The following BSN variants were observed in gnomAD, a reference collection of about 807,000 sequenced individuals.
BSN encodes protein bassoon.
A neutral mutation model predicts 264.8 loss-of-function variants in BSN; 57 were observed. The observed-to-expected ratio is 0.22, with a 90% confidence interval of 0.17 to 0.27. The LOEUF is 0.27. Among genes scored for constraint, BSN ranks in the 10% least tolerant of loss-of-function variants. BSN has a pLI of 1.00. For missense variants in BSN, 4,615 were observed against 5,232.5 expected (o/e 0.88, Z 3.64); for synonymous variants, 2,059 against 2,137.3 (o/e 0.96, Z 1.01).
intron 3 of BSN, among the ~76,000 whole-genome samples, chr3:49,644,280 T>A (rs768629314): frequency 1.3e-5 from 2 of 152,124 alleles, no homozygotes; most frequent in Non-Finnish European, 2.9e-5. Flanking sequence ...CACAGGGGTG[T>A]GCGGAGTGCA....
At chr3:49,595,394 G>T (rs1485307213) in intron 1 of BSN, among the ~76,000 whole-genome samples, 1 of 149,834 alleles carries the variant, frequency 6.7e-6, no homozygotes, top group Non-Finnish European at 1.5e-5. Context: ...GTTTCTGCAT[G>T]TTGAGGCTGG....
chr3:49,616,503 AAGTTC>A (rs2052260018), intron 1 of BSN, among the ~76,000 whole-genome samples: 1 of 152,222 alleles, frequency 6.6e-6, no homozygotes, highest in African/African-American at 2.4e-5. Flanking sequence ...CAGTTTCTTT[AAGTTC>A]ACTCCCCTCC....
At chr3:49,573,952 C>T (rs1220232827) in intron 1 of BSN, among the ~76,000 whole-genome samples, 6 of 151,170 alleles carry the variant, frequency 4.0e-5, no homozygotes, top group Admixed American at 1.3e-4. Context: ...CCACTGCGCC[C>T]AGCCTTTCTG....
chr3:49,660,765 G>A lies in BSN; in HGVS notation c.8920G>A (p.Ala2974Thr), dbSNP rs753949712. Residue 2974 changes from alanine to threonine, a missense_variant, in exon 6 of 12, where the codon GCC (alanine) becomes ACC (threonine). Transcript: ENST00000296452. The surrounding 1 kb of genome is among the most constrained non-coding windows in gnomAD (Gnocchi z 7.1). Reference protein sequence around the residue: ...ELDEEEKEIDAKLKYLELGIT... With the variant: ...ELDEEEKEIDTKLKYLELGIT... ...GGATGAGGAGGAGAAGGAGATTGAC[G>A]CCAAGCTCAAGTACCTGGAGTTGGG... is the stretch of plus-strand genomic sequence containing the variant. The A allele has an allele frequency of 4.3e-5, 70 of 1,612,972 alleles. No homozygotes were observed. Among genetic ancestry groups the A allele is most frequent in the East Asian group, 6.7e-5 (3 of 44,894 alleles).
chr3:49,595,800 G>T (rs1240307324), intron 1 of BSN, among the ~76,000 whole-genome samples: 1 of 151,846 alleles, frequency 6.6e-6, no homozygotes, highest in African/African-American at 2.4e-5. Flanking sequence ...TTTGTATCCT[G>T]CAACCTTGCT....
At chr3:49,620,120 G>C (rs1354760234) in intron 1 of BSN, among the ~76,000 whole-genome samples, 1 of 152,132 alleles carries the variant, frequency 6.6e-6, no homozygotes, top group Non-Finnish European at 1.5e-5. Flanking sequence ...TTCAGGGTAA[G>C]TGTCCCTGAA....
rs2052580295 is a variant in BSN, at chr3:49,654,718, A to C, written c.5162A>C (p.Gln1721Pro). The C allele has an allele frequency of 1.2e-6, 2 of 1,613,712 alleles. No homozygotes were observed. The highest frequency in any genetic ancestry group is 4.5e-5 in the East Asian group (2 of 44,874). ...CCCTTGGTTATCAACCTCAATGCCC[A>C]GGAGCATACCTTCCTTGCTACTGCC... ...VQPLVINLNA[Q>P]EHTFLATATT... Residue 1721 changes from glutamine (Q) to proline (P), a missense_variant, in exon 5 of 12, where the codon CAG becomes CCG. This residue lies in a region of BSN where 3,415 missense variants were observed against 3,866.4 expected (regional missense o/e 0.88). Transcript: ENST00000296452. This position sits in a 1 kb window ranked among gnomAD's most constrained non-coding sequence, Gnocchi z 4.1.
intron 1 of BSN, among the ~76,000 whole-genome samples, chr3:49,564,814 C>CT (rs1441273593): frequency 6.6e-6 from 1 of 152,168 alleles, no homozygotes; most frequent in African/African-American, 2.4e-5. Flanking sequence ...TGCACCCTAG[C>CT]CATGGCAGCC....
At position 49,662,421 on chromosome 3, in the gene BSN, GA is replaced by G. The variant is rs2052668208; in HGVS notation, c.10577del (p.Asp3526ValfsTer269). Reference sequence around the variant, plus strand: ...CGGAGGGCCCCTCCCTCCCGGCGGGGATACCTGCCCACAGTTCTGCTCCAGC... The same window carrying G: ...CGGAGGGCCCCTCCCTCCCGGCGGGGTACCTGCCCACAGTTCTGCTCCAGC... ...PAGGPLPPGG[D>X]TCPQFCSSHS... On this transcript the variant is annotated frameshift_variant, in exon 6 of 12. Transcript: ENST00000296452. LOFTEE classifies it high-confidence loss of function. 6.2e-7 allele frequency: 1 copy of G among 1,613,390 alleles called. No individual in the cohort carries two copies. The highest frequency in any genetic ancestry group is 1.3e-5 in the African/African-American group (1 of 74,950).
intron 2 of BSN, among the ~76,000 whole-genome samples, chr3:49,634,818 AAC>A (rs774744203): frequency 1.4e-4 from 22 of 152,344 alleles, no homozygotes; most frequent in Admixed American, 3.3e-4. Flanking sequence ...TATTTATTTT[AAC>A]ACACACTATA....
chr3:49,595,163 A>G (rs2108027617), intron 1 of BSN, among the ~76,000 whole-genome samples: 1 of 150,434 alleles, frequency 6.6e-6, no homozygotes, highest in East Asian at 2.0e-4. Flanking sequence ...TGCTGGGATT[A>G]CAGGCGTGAG....
intron 11 of BSN, among the ~76,000 whole-genome samples, chr3:49,666,936 T>G (rs1023586076): frequency 4.6e-5 from 7 of 152,162 alleles, no homozygotes; most frequent in African/African-American, 1.7e-4. Context: ...GATGTTTCCT[T>G]GGAGTTGCCC....
In BSN at chr3:49,660,274, G is replaced by T. The variant is rs560920673; in HGVS notation, c.8641-212G>T. Among the ~76,000 whole-genome samples the T allele has an allele frequency of 6.6e-6, 1 of 152,262 alleles. No homozygotes were observed. Among genetic ancestry groups the T allele is most frequent in the African/African-American group, 2.4e-5 (1 of 41,534 alleles). ...TCCCAAAGCTCTGGGAAAGAGAAGG[G>T]CTGTAAAATAATCACAGATCTTCCC... On this transcript the variant is annotated intron_variant, in intron 5 of 11. Coordinates refer to ENST00000296452, the MANE Select transcript of BSN (RefSeq NM_003458.4). The surrounding 1 kb of genome is among the most constrained non-coding windows in gnomAD (Gnocchi z 7.1).
At chr3:49,558,774 G>C (rs1296378382) in intron 1 of BSN, among the ~76,000 whole-genome samples, 2 of 152,134 alleles carry the variant, frequency 1.3e-5, no homozygotes, top group Non-Finnish European at 2.9e-5. Context: ...ATTTTACCCA[G>C]AGGGCAACCA....
chr3:49,644,805 G>C (rs920269241), intron 3 of BSN, among the ~76,000 whole-genome samples: 1 of 152,216 alleles, frequency 6.6e-6, no homozygotes, highest in Non-Finnish European at 1.5e-5. Context: ...TTATTAAGCA[G>C]AATGTGCACG....
downstream of BSN, among the ~76,000 whole-genome samples, chr3:49,672,025 CT>C (rs34710169): frequency 0.014 from 1,389 of 100,422 alleles, 15 homozygotes; most frequent in African/African-American, 0.038. Context: ...GTTGCTAGAC[CT>C]TTTTTTTTTT....
Position 49,625,024 on chromosome 3 carries a change from G to A in BSN, c.274G>A (p.Ala92Thr). 1 of 1,575,460 alleles carries A rather than the reference G, an allele frequency of 6.3e-7. No homozygotes were observed. The highest frequency in any genetic ancestry group is 8.6e-7 in the Non-Finnish European group (1 of 1,163,892). The change falls in exon 2 of 12, where the codon GCT (alanine) becomes ACT (threonine). Residue 92 changes from alanine (A) to threonine (T), a missense_variant. Physicochemically the swap from Ala to Thr is moderately conservative, Grantham distance 58. This residue lies in a region of BSN where 1,197 missense variants were observed against 1,348.0 expected (regional missense o/e 0.89). Coordinates refer to ENST00000296452, the MANE Select transcript of BSN (RefSeq NM_003458.4). The surrounding 1 kb of genome is among the most constrained non-coding windows in gnomAD (Gnocchi z 4.4). ...GGAACCCCTGGGTAACCAGAGAGCA[G>A]CTTCCCCAACTCCGAAGCAGGCTTC... ...PKEPLGNQRA[A>T]SPTPKQASAT...
Position 49,655,281 on chromosome 3 carries a change from T to C in BSN, c.5725T>C (p.Phe1909Leu). The change falls in exon 5 of 12, where the codon TTT (phenylalanine) becomes CTT (leucine). Residue 1909 changes from phenylalanine (F) to leucine (L), a missense_variant. This residue lies in a region of BSN where 3,415 missense variants were observed against 3,866.4 expected (regional missense o/e 0.88). Coordinates refer to ENST00000296452, the MANE Select transcript of BSN (RefSeq NM_003458.4). ...ACCDMVYKLP[F>L]GSSCTGTFHP... is the part of the protein sequence containing the mutation. ...CTGTGACATGGTCTACAAGCTCCCCTTTGGCAGCAGCTGCACTGGCACCTT... is the reference window on the plus strand; with the variant it reads ...CTGTGACATGGTCTACAAGCTCCCCCTTGGCAGCAGCTGCACTGGCACCTT... 1 of 1,612,996 alleles carries C rather than the reference T, an allele frequency of 6.2e-7. No individual in the cohort carries two copies. Among genetic ancestry groups the C allele is most frequent in the Non-Finnish European group, 8.5e-7 (1 of 1,179,936 alleles).
rs2052641536 is a variant in BSN, at chr3:49,660,190, C to G, written c.8641-296C>G. Among the ~76,000 whole-genome samples, 1 of 152,182 alleles carries G rather than the reference C, an allele frequency of 6.6e-6. No individual in the cohort carries two copies. Among genetic ancestry groups the G allele is most frequent in the South Asian group, 2.1e-4 (1 of 4,828 alleles). ...GGAGATGTGCAGGGGTTCTCAAAGC[C>G]ATGTGCTGGGCCAGTACAGGACATT... On this transcript the variant is annotated intron_variant, in intron 5 of 11. Coordinates refer to ENST00000296452, the MANE Select transcript of BSN (RefSeq NM_003458.4). This position sits in a 1 kb window ranked among gnomAD's most constrained non-coding sequence, Gnocchi z 7.1.
Sources: gnomAD v4.1 joint callset for allele counts (sites outside exome capture counted in the v4.1 genomes callset) on GRCh38, gnomAD v4.1.1 for gene constraint, gnomAD v4.1.1 regional missense constraint, Gnocchi (gnomAD v3.1) non-coding constraint, MANE v1.5 for transcripts, NCBI Gene and HGNC (gene_info 2026-07-23, HGNC 2026-07-21) for gene names.